IQCM: variants seen among roughly 807,000 people sequenced by gnomAD.
The protein encoded by IQCM is IQ motif containing M.
In IQCM, 45 loss-of-function variants were observed where a neutral mutation model predicts 57.6. The ratio of observed to expected loss-of-function variants is 0.78; its 90% confidence interval spans 0.62 to 1.00. The LOEUF (loss-of-function observed/expected upper bound fraction) is 1.00. Ranked by LOEUF, IQCM falls within the 50% of genes least tolerant of loss-of-function variation. The probability of loss-of-function intolerance (pLI) is 0.00; values close to 1 mark genes in which losing one functional copy is unlikely to be tolerated. For missense variants in IQCM, 468 were observed against 511.6 expected, an observed-to-expected ratio of 0.91 and a Z score of 0.82; for synonymous variants, 148 against 158.9, an observed-to-expected ratio of 0.93 and a Z score of 0.51.
intron 8 of IQCM, among the ~76,000 whole-genome samples, chr4:149,606,278 T>C (rs768960901): frequency 2.6e-5 from 4 of 152,124 alleles, no homozygotes; most frequent in Non-Finnish European, 4.4e-5. Flanking sequence ...ACAGAGGAAA[T>C]ACAGTGAGAG....
chr4:149,418,486 T>A (rs1733908383), intron 13 of IQCM, among the ~76,000 whole-genome samples: 1 of 152,024 alleles, frequency 6.6e-6, no homozygotes, highest in African/African-American at 2.4e-5. Context: ...ACCAGATGGA[T>A]TTACAGCTAA....
chr4:149,738,852 A>C (rs1767183776), intron 3 of IQCM, among the ~76,000 whole-genome samples: 1 of 152,214 alleles, frequency 6.6e-6, no homozygotes, highest in African/African-American at 2.4e-5. Flanking sequence ...AATTCACAAG[A>C]TAGCACAAGA....
intron 7 of IQCM, among the ~76,000 whole-genome samples, chr4:149,681,348 A>G (rs1414206881): frequency 6.6e-6 from 1 of 151,284 alleles, no homozygotes; most frequent in South Asian, 2.1e-4. Context: ...CAAAATTGTA[A>G]AATACATCTA....
At chr4:149,616,215 G>A (rs1755777257) in intron 8 of IQCM, among the ~76,000 whole-genome samples, 1 of 152,094 alleles carries the variant, frequency 6.6e-6, no homozygotes, top group Non-Finnish European at 1.5e-5. Context: ...ATTGATGGGA[G>A]AATGGATAAA....
chr4:149,544,229 G>T (rs776488150), intron 12 of IQCM, among the ~76,000 whole-genome samples: 2 of 152,078 alleles, frequency 1.3e-5, no homozygotes, highest in Non-Finnish European at 2.9e-5. Flanking sequence ...AGAAAGAAAA[G>T]CTAACAAACA....
intron 7 of IQCM, among the ~76,000 whole-genome samples, chr4:149,627,686 C>A (rs906320100): frequency 6.6e-6 from 1 of 152,098 alleles, no homozygotes. Flanking sequence ...CTGTGGTAGA[C>A]TGTTCAGAAA....
intron 8 of IQCM, among the ~76,000 whole-genome samples, chr4:149,610,767 T>A (rs928376951): frequency 7.2e-5 from 11 of 152,012 alleles, no homozygotes; most frequent in Admixed American, 6.6e-4. Flanking sequence ...ATGAAAATAC[T>A]AGAAGAAAAC....
At chr4:149,360,467 C>G (rs1331336486) in intron 13 of IQCM, among the ~76,000 whole-genome samples, 1 of 152,020 alleles carries the variant, frequency 6.6e-6, no homozygotes, top group Non-Finnish European at 1.5e-5. Context: ...TCTGTGTATA[C>G]CAAGGCACTT....
intron 5 of IQCM, among the ~76,000 whole-genome samples, chr4:149,687,074 T>A (rs1471669998): frequency 6.6e-6 from 1 of 151,648 alleles, no homozygotes; most frequent in Non-Finnish European, 1.5e-5. Flanking sequence ...GTTTGAAATA[T>A]TATAACAAAA....
At chr4:149,379,824 A>T (rs57131637) in intron 13 of IQCM, among the ~76,000 whole-genome samples, 3,959 of 152,256 alleles carry the variant, frequency 0.026, 113 homozygotes, top group African/African-American at 0.069. Context: ...GTGTGGAATC[A>T]TAGGGTTTGC....
chr4:149,814,600 A>G (rs1397539787), intron 2 of IQCM, among the ~76,000 whole-genome samples: 2 of 151,986 alleles, frequency 1.3e-5, no homozygotes, highest in Non-Finnish European at 2.9e-5. Context: ...TTCATAACAA[A>G]TGACAAATAT....
chr4:149,393,967 CA>C (rs1732043075), intron 13 of IQCM, among the ~76,000 whole-genome samples: 1 of 151,878 alleles, frequency 6.6e-6, no homozygotes, highest in Non-Finnish European at 1.5e-5. Context: ...ATGGATAAAA[CA>C]ATAAGCAGGG....
At chr4:149,499,439 T>C (rs1743012535) in intron 12 of IQCM, among the ~76,000 whole-genome samples, 1 of 152,178 alleles carries the variant, frequency 6.6e-6, no homozygotes, top group South Asian at 2.1e-4. Flanking sequence ...AAGGAGAATG[T>C]AAACATAGTA....
chr4:149,684,113 G>A (rs1762386674), intron 6 of IQCM, among the ~76,000 whole-genome samples: 2 of 151,278 alleles, frequency 1.3e-5, no homozygotes, highest in Admixed American at 6.6e-5. Flanking sequence ...TTGTTGATGG[G>A]AAATTAAAAT....
At chr4:149,386,531 A>C (rs1731439534) in intron 13 of IQCM, among the ~76,000 whole-genome samples, 1 of 152,066 alleles carries the variant, frequency 6.6e-6, no homozygotes, top group African/African-American at 2.4e-5. Flanking sequence ...AATTGTCATT[A>C]TCATAACTAA....
intron 8 of IQCM, among the ~76,000 whole-genome samples, chr4:149,614,508 T>C (rs1755603873): frequency 6.6e-6 from 1 of 152,152 alleles, no homozygotes; most frequent in African/African-American, 2.4e-5. Context: ...ACCACAACTG[T>C]CCTTTCTGGG....
chr4:149,585,047 T>C (rs1372113293), intron 9 of IQCM, among the ~76,000 whole-genome samples: 1 of 151,762 alleles, frequency 6.6e-6, no homozygotes, highest in African/African-American at 2.4e-5. Flanking sequence ...TGTAAAGGGT[T>C]CCCGCAAAGC....
intron 2 of IQCM, among the ~76,000 whole-genome samples, chr4:149,778,067 A>T (rs1448004944): frequency 3.3e-5 from 5 of 152,200 alleles, no homozygotes; most frequent in Admixed American, 1.3e-4. Flanking sequence ...GGGAAATTTT[A>T]AAAAACACAG....
At chr4:149,534,046 G>A (rs983494775) in intron 12 of IQCM, among the ~76,000 whole-genome samples, 1 of 152,036 alleles carries the variant, frequency 6.6e-6, no homozygotes, top group Admixed American at 6.6e-5. Context: ...TAGAATTTTA[G>A]ACAGTGACAG....
Sources: allele counts gnomAD v4.1 joint callset (sites outside exome capture counted in the v4.1 genomes callset), GRCh38; gene constraint gnomAD v4.1.1; transcripts MANE v1.5; gene names NCBI Gene and HGNC (gene_info 2026-07-23, HGNC 2026-07-21).